Variants in ZNF292 observed in about 807,000 individuals in gnomAD.
The protein encoded by ZNF292 is zinc finger protein 292, also known as 16 zinc-finger domain protein.
Under a neutral mutation model 217.9 loss-of-function variants are expected in ZNF292, and 26 were observed. That is an observed-to-expected ratio of 0.12 (90% CI 0.09 to 0.17). The LOEUF is 0.17. Among genes scored for constraint, ZNF292 ranks in the 10% least tolerant of loss-of-function variants. ZNF292 has a pLI of 1.00. For missense variants in ZNF292, 2,904 were observed against 3,175.2 expected, an observed-to-expected ratio of 0.91 and a Z score of 2.05; for synonymous variants, 1,257 against 1,124.1, an observed-to-expected ratio of 1.12 and a Z score of -2.37.
In ZNF292 at chr6:87,263,524, A is replaced by T. The variant is rs1366232830; in HGVS notation, c.*1723A>T. The T allele has an allele frequency of 6.6e-6, 1 of 151,952 alleles. No homozygotes were observed. Among genetic ancestry groups the T allele is most frequent in the African/African-American group, 2.4e-5 (1 of 41,434 alleles). The allele number at this position is 151,952 out of a possible 1,614,324, so 9.4% of individuals were successfully genotyped here. On this transcript the variant is annotated 3_prime_UTR_variant, in exon 8 of 8. Transcript: ENST00000369577. ...TGGAAATTTCTTTTTAATTTTTATTATTAAAGTATTTTATTTTTAGGGCCT... is the reference window on the plus strand; with the variant it reads ...TGGAAATTTCTTTTTAATTTTTATTTTTAAAGTATTTTATTTTTAGGGCCT...
At position 87,259,349 on chromosome 6, in the gene ZNF292, A is replaced by G; in HGVS notation, c.5720A>G (p.Gln1907Arg). The part of the protein sequence containing the change: ...KVNKPFVCQN[Q>R]GCNYSAMTKD... ...AATAAACCCTTTGTGTGTCAAAACC[A>G]AGGCTGTAACTACAGTGCTATGACA... The change falls in exon 8 of 8, where the codon CAA becomes CGA. Residue 1907 changes from glutamine (Q) to arginine (R), a missense_variant. This residue lies in a region of ZNF292 where 50 missense variants were observed against 90.5 expected (regional missense o/e 0.55). Transcript: ENST00000369577. 1.2e-6 allele frequency: 2 copies of G among 1,613,416 alleles called. No homozygotes were observed. Among genetic ancestry groups the G allele is most frequent in the Non-Finnish European group, 1.7e-6 (2 of 1,179,638 alleles).
At chr6:87,185,217 A>G (rs1010984116) in intron 1 of ZNF292, among the ~76,000 whole-genome samples, 1 of 152,144 alleles carries the variant, frequency 6.6e-6, no homozygotes, top group African/African-American at 2.4e-5. Flanking sequence ...ACATGATGCA[A>G]CTCATATGAT....
chr6:87,235,309 C>G (rs990071713), intron 5 of ZNF292, among the ~76,000 whole-genome samples: 1 of 152,020 alleles, frequency 6.6e-6, no homozygotes, highest in East Asian at 1.9e-4. Context: ...GCCACGAAAG[C>G]TTTTATTATC....
intron 1 of ZNF292, among the ~76,000 whole-genome samples, chr6:87,188,796 T>G (rs1039874828): frequency 1.3e-5 from 2 of 151,220 alleles, no homozygotes; most frequent in Non-Finnish European, 3.0e-5. Flanking sequence ...TTAAACTGTT[T>G]AATAAAAAAA....
chr6:87,218,752 G>T, intron 4 of ZNF292, 21 bp downstream of exon 4: 1 of 1,543,956 alleles, frequency 6.5e-7, no homozygotes, highest in Non-Finnish European at 8.7e-7. Context: ...GAGAGACAGA[G>T]AAAAAAAAGA....
At chr6:87,239,389 C>T (rs556962544) in intron 5 of ZNF292, among the ~76,000 whole-genome samples, 2,131 of 145,352 alleles carry the variant, frequency 0.015, 19 homozygotes, top group South Asian at 0.035. Context: ...GCTGGCGGGC[C>T]GGGGGCTGGC....
At chr6:87,196,705 G>A (rs1165547999) in intron 1 of ZNF292, among the ~76,000 whole-genome samples, 1 of 152,196 alleles carries the variant, frequency 6.6e-6, no homozygotes, top group Non-Finnish European at 1.5e-5. Flanking sequence ...GCTGGTACCT[G>A]TGTATTTCAG....
intron 1 of ZNF292, among the ~76,000 whole-genome samples, chr6:87,171,551 T>C (rs1334870421): frequency 6.6e-6 from 1 of 152,186 alleles, no homozygotes; most frequent in Non-Finnish European, 1.5e-5. Flanking sequence ...ATTAATACTT[T>C]TAAGAGGAGT....
chr6:87,185,312 T>C (rs1771610843), intron 1 of ZNF292, among the ~76,000 whole-genome samples: 1 of 152,206 alleles, frequency 6.6e-6, no homozygotes, highest in Admixed American at 6.5e-5. Flanking sequence ...CAAGATTGAT[T>C]TTCAGGATTT....
chr6:87,243,899 CCATAA>C (rs1383513826), intron 6 of ZNF292, among the ~76,000 whole-genome samples: 1 of 152,078 alleles, frequency 6.6e-6, no homozygotes, highest in Non-Finnish European at 1.5e-5. Flanking sequence ...TCTAATGCCA[CCATAA>C]CATTTTTTTA....
At chr6:87,249,325 C>G in intron 7 of ZNF292, 2 of 399,478 alleles carry the variant, frequency 5.0e-6, no homozygotes, top group Non-Finnish European at 1.0e-5. Flanking sequence ...TGGGGTCTCA[C>G]TATATTGCCC....
At chr6:87,167,975 C>T (rs1770971551) in intron 1 of ZNF292, among the ~76,000 whole-genome samples, 1 of 152,206 alleles carries the variant, frequency 6.6e-6, no homozygotes, top group Non-Finnish European at 1.5e-5. Context: ...CCTATCCTCA[C>T]TCAGACTGTC....
chr6:87,184,913 A>C (rs1437991775), intron 1 of ZNF292, among the ~76,000 whole-genome samples: 1 of 152,214 alleles, frequency 6.6e-6, no homozygotes, highest in African/African-American at 2.4e-5. Context: ...CTCAGAGACC[A>C]ATCCATTTTC....
chr6:87,263,261 A>G lies in ZNF292; in HGVS notation c.*1460A>G, dbSNP rs969269004. 2 of 152,024 alleles carry G rather than the reference A, an allele frequency of 1.3e-5. No homozygotes were observed. The highest frequency in any genetic ancestry group is 2.4e-5 in the African/African-American group (1 of 41,410). 9.4% of individuals were successfully genotyped at this position (152,024 alleles called of 1,614,324 possible). On this transcript the variant is annotated 3_prime_UTR_variant, in exon 8 of 8. Transcript: ENST00000369577. ...AGAAACATAAGAAAACATCTTTGCA[A>G]TATTTACTTTTGTTTCTGTTTGCCG...
At chr6:87,240,349 A>AGGGAGAGGGAGACCCGTGGCGGTGGGT (rs1169875758) in intron 5 of ZNF292, among the ~76,000 whole-genome samples, 1 of 35,582 alleles carries the variant, frequency 2.8e-5, no homozygotes, top group Non-Finnish European at 5.2e-5. Flanking sequence ...GTGGAAAGAG[A>AGGGAGAGGGAGACCCGTGGCGGTGGGT]GGGAGAGGGA....
At position 87,262,052 on chromosome 6, in the gene ZNF292, C is replaced by T. The variant is rs1416979901; in HGVS notation, c.*251C>T. 1 of 268,252 alleles carries T rather than the reference C, an allele frequency of 3.7e-6. No homozygotes were observed. Among genetic ancestry groups the T allele is most frequent in the African/African-American group, 2.2e-5 (1 of 45,314 alleles). The allele number at this position is 268,252 out of a possible 1,614,324, so 16.6% of individuals were successfully genotyped here. A position where few individuals can be genotyped will look rare whatever the true frequency, so the allele number is the denominator to read the frequency against. On this transcript the variant is annotated 3_prime_UTR_variant, in exon 8 of 8. Transcript: ENST00000369577. ...GAGCTAAACCTCAAATTTCTATCACCCAGTTGCCCTTTTCATGAACTAAAC... is the reference window on the plus strand; with the variant it reads ...GAGCTAAACCTCAAATTTCTATCACTCAGTTGCCCTTTTCATGAACTAAAC...
rs554309686 is a variant in ZNF292, at chr6:87,169,729, G to A, written c.168+13970G>A. 1.8e-5 allele frequency: 8 copies of A among 440,710 alleles called. No homozygotes were observed. The East Asian group carries it at 3.0e-4, about 17-fold the overall frequency. The allele number at this position is 440,710 out of a possible 1,614,324, so 27.3% of individuals were successfully genotyped here. ...TGACGCCATCAGAGCTCACTTCAGC[G>A]TCCACCTCCCGGGCTCAAGTGATCC... is the stretch of plus-strand genomic sequence containing the variant. On this transcript the variant is annotated intron_variant, in intron 1 of 7. Coordinates refer to ENST00000369577, the MANE Select transcript of ZNF292 (RefSeq NM_015021.3).
intron 1 of ZNF292, among the ~76,000 whole-genome samples, chr6:87,201,089 T>C (rs1228446424): frequency 6.6e-6 from 1 of 152,158 alleles, no homozygotes; most frequent in Non-Finnish European, 1.5e-5. Flanking sequence ...GGCAACATAC[T>C]CAGAAGTAAA....
intron 1 of ZNF292, among the ~76,000 whole-genome samples, chr6:87,182,031 A>G (rs1582390145): frequency 6.6e-6 from 1 of 152,084 alleles, no homozygotes; most frequent in African/African-American, 2.4e-5. Flanking sequence ...GTTAAATTAC[A>G]TATTATCCTT....
Sources: allele counts gnomAD v4.1 joint callset (sites outside exome capture counted in the v4.1 genomes callset), GRCh38; gene constraint gnomAD v4.1.1; regional missense constraint gnomAD v4.1.1; transcripts MANE v1.5; gene names NCBI Gene and HGNC (gene_info 2026-07-23, HGNC 2026-07-21).